The following SHISA6 variants were observed in gnomAD, a reference collection of about 807,000 sequenced individuals.
SHISA6 encodes shisa family member 6.
Under a neutral mutation model 47.9 loss-of-function variants are expected in SHISA6, and 22 were observed. The ratio of observed to expected loss-of-function variants is 0.46; its 90% CI spans 0.33 to 0.66. SHISA6 has a LOEUF of 0.66. Among genes scored for constraint, SHISA6 ranks in the 30% least tolerant of loss-of-function variants. The pLI, the probability that SHISA6 is intolerant of heterozygous loss-of-function variation, is 0.02. For missense variants in SHISA6, 680 were observed against 764.6 expected (o/e 0.89, Z 1.30); for synonymous variants, 388 against 337.8 (o/e 1.15, Z -1.63).
At chr17:11,399,325 G>T (rs1913684169) in intron 3 of SHISA6, among the ~76,000 whole-genome samples, 1 of 152,100 alleles carries the variant, frequency 6.6e-6, no homozygotes. Flanking sequence ...ACCAGTAATT[G>T]ACTGTACTAA....
chr17:11,382,503 A>T (rs1405388278), intron 3 of SHISA6, among the ~76,000 whole-genome samples: 1 of 152,222 alleles, frequency 6.6e-6, no homozygotes, highest in Non-Finnish European at 1.5e-5. Flanking sequence ...TGCTAGCTGT[A>T]AGCAACTGGC....
intron 3 of SHISA6, among the ~76,000 whole-genome samples, chr17:11,538,829 T>C (rs374580845): frequency 3.3e-5 from 5 of 152,316 alleles, no homozygotes; most frequent in Non-Finnish European, 5.9e-5. Context: ...TGACACAGCA[T>C]TGGAGAAACC....
intron 2 of SHISA6, among the ~76,000 whole-genome samples, chr17:11,338,058 A>G (rs1316060323): frequency 6.6e-6 from 1 of 152,164 alleles, no homozygotes; most frequent in African/African-American, 2.4e-5. Flanking sequence ...GCCTGGAACC[A>G]GGGTGTAGGA....
At position 11,558,290 on chromosome 17, in the gene SHISA6, G is replaced by A. The variant is rs780515794; in HGVS notation, c.1642G>A (p.Glu548Lys). The A allele has an allele frequency of 7.1e-6, 11 of 1,538,706 alleles. No individual in the cohort carries two copies. Among genetic ancestry groups the A allele is most frequent in the Non-Finnish European group, 2.6e-6 (3 of 1,146,682 alleles). The stretch of plus-strand genomic sequence containing the variant: ...CACCTGCTACACAGCCAGCAAGACC[G>A]AAGTGACCGTGTGACCGGCGGGGCA... ...HHTCYTASKT[E>K]VTV Residue 548 changes from glutamate to lysine, a missense_variant, in exon 6 of 6, where the codon GAA becomes AAA. Transcript: ENST00000441885.
intron 3 of SHISA6, among the ~76,000 whole-genome samples, chr17:11,479,633 A>G (rs1358710881): frequency 6.6e-6 from 1 of 152,146 alleles, no homozygotes; most frequent in Non-Finnish European, 1.5e-5. Context: ...AAAAGAAAAA[A>G]GAAAAAAAAG....
intron 2 of SHISA6, among the ~76,000 whole-genome samples, chr17:11,298,601 G>C (rs1909825943): frequency 1.3e-5 from 2 of 152,328 alleles, no homozygotes; most frequent in South Asian, 4.1e-4. Flanking sequence ...GAAAGCAGTG[G>C]GGTCAGTGCC....
At chr17:11,392,764 G>A (rs1171453157) in intron 3 of SHISA6, among the ~76,000 whole-genome samples, 1 of 152,238 alleles carries the variant, frequency 6.6e-6, no homozygotes, top group Non-Finnish European at 1.5e-5. Flanking sequence ...TTAGAGAGAA[G>A]CTTACGCTTA....
chr17:11,436,631 T>C (rs958188465), intron 3 of SHISA6, among the ~76,000 whole-genome samples: 1 of 152,190 alleles, frequency 6.6e-6, no homozygotes, highest in African/African-American at 2.4e-5. Context: ...TTAAACACCA[T>C]GAGGGGAGGC....
intron 2 of SHISA6, chr17:11,289,868 A>G (rs1397582407): frequency 6.6e-6 from 1 of 152,058 alleles, no homozygotes; most frequent in African/African-American, 2.4e-5. Context: ...TAATTAGTTG[A>G]TAGAACCAGT....
chr17:11,416,534 T>C (rs558868673), intron 3 of SHISA6, among the ~76,000 whole-genome samples: 1 of 152,314 alleles, frequency 6.6e-6, no homozygotes, highest in African/African-American at 2.4e-5. Context: ...GTGTAGTGCA[T>C]TTTAAAATTA....
At chr17:11,460,274 T>G (rs572614178) in intron 3 of SHISA6, among the ~76,000 whole-genome samples, 1 of 152,260 alleles carries the variant, frequency 6.6e-6, no homozygotes, top group African/African-American at 2.4e-5. Context: ...CCAGCTAGGC[T>G]AGGCGCCGGG....
chr17:11,290,301 A>G (rs1031859660), intron 2 of SHISA6: 8 of 151,480 alleles, frequency 5.3e-5, no homozygotes, highest in African/African-American at 1.5e-4. Context: ...TATAATTAAT[A>G]TATCATGATT....
chr17:11,312,149 G>A (rs1597452604), intron 2 of SHISA6, among the ~76,000 whole-genome samples: 1 of 152,000 alleles, frequency 6.6e-6, no homozygotes, highest in Non-Finnish European at 1.5e-5. Context: ...ACTGAACTAA[G>A]TTTAGGACTT....
chr17:11,303,843 G>A (rs972935181), intron 2 of SHISA6, among the ~76,000 whole-genome samples: 6 of 152,220 alleles, frequency 3.9e-5, no homozygotes, highest in African/African-American at 9.6e-5. Context: ...TGGGGATGGG[G>A]ACATGCCATC....
chr17:11,441,839 C>A (rs776162897), intron 3 of SHISA6, among the ~76,000 whole-genome samples: 1 of 152,118 alleles, frequency 6.6e-6, no homozygotes, highest in Non-Finnish European at 1.5e-5. Context: ...CCCAGCGCTG[C>A]GAACTACTTA....
At chr17:11,498,427 G>A (rs1034792886) in intron 3 of SHISA6, among the ~76,000 whole-genome samples, 3 of 152,186 alleles carry the variant, frequency 2.0e-5, no homozygotes, top group African/African-American at 7.2e-5. Flanking sequence ...GAGTTACATC[G>A]AAGGAATATG....
chr17:11,350,169 TATTTATTTA>T (rs1911824125), intron 2 of SHISA6, among the ~76,000 whole-genome samples: 2 of 113,362 alleles, frequency 1.8e-5, no homozygotes, highest in African/African-American at 7.1e-5. Flanking sequence ...TTTATTTATT[TATTTATTTA>T]TTTATTTTTT....
At chr17:11,286,067 A>C (rs1208990951) in intron 2 of SHISA6, among the ~76,000 whole-genome samples, 2 of 151,940 alleles carry the variant, frequency 1.3e-5, no homozygotes, top group Non-Finnish European at 1.5e-5. Context: ...CGAACTCCTG[A>C]ACTCGTAGGT....
intron 1 of SHISA6, among the ~76,000 whole-genome samples, chr17:11,252,623 T>C (rs1365948544): frequency 2.0e-5 from 3 of 152,276 alleles, no homozygotes; most frequent in South Asian, 2.1e-4. Context: ...CCAAACACCA[T>C]AGGAGCAAAG....
Sources: allele counts gnomAD v4.1 joint callset (sites outside exome capture counted in the v4.1 genomes callset), GRCh38; gene constraint gnomAD v4.1.1; transcripts MANE v1.5; gene names NCBI Gene and HGNC (gene_info 2026-07-23, HGNC 2026-07-21).